Variants in SPON2 observed in about 807,000 individuals in gnomAD.
The protein encoded by SPON2 is spondin-2.
Under a neutral mutation model 29.9 loss-of-function variants are expected in SPON2, and 32 were observed. The observed-to-expected ratio is 1.07, with a 90% CI of 0.81 to 1.44. SPON2 has a LOEUF of 1.44. SPON2 is among the 40% of genes most tolerant of loss of function. The pLI is 0.00. For synonymous variants in SPON2, 248 were observed against 209.1 expected (o/e 1.19, Z -1.61); for missense variants, 541 against 455.5 (o/e 1.19, Z -1.71).
chr4:1,170,387 C>T lies in SPON2; in HGVS notation c.811+15G>A, dbSNP rs556716874. 66 of 1,608,908 alleles carry T rather than the reference C, an allele frequency of 4.1e-5. No homozygotes were observed. Among genetic ancestry groups the T allele is most frequent in the Non-Finnish European group, 5.3e-5 (63 of 1,178,462 alleles). On this transcript the variant is annotated intron_variant, in intron 5 of 5. Transcript: ENST00000290902. ...GGGGCTGCTGTGTGTCCCATGTGAC[C>T]TGTATGTCCGTTACCTGAGGCGCTG...
intron 1 of SPON2, among the ~76,000 whole-genome samples, chr4:1,190,483 C>T (rs1197980865): frequency 6.6e-6 from 1 of 152,092 alleles, no homozygotes; most frequent in East Asian, 1.9e-4. Context: ...AATCGTCACA[C>T]AAAAAATAAA....
At chr4:1,205,486 C>T (rs1339886346) in intron 1 of SPON2, among the ~76,000 whole-genome samples, 1 of 152,216 alleles carries the variant, frequency 6.6e-6, no homozygotes, top group Non-Finnish European at 1.5e-5. Context: ...CCGTGCCCAG[C>T]ACCTGGGGGA....
chr4:1,174,697 A>C (rs1173159871), upstream of SPON2, among the ~76,000 whole-genome samples: 3 of 152,192 alleles, frequency 2.0e-5, no homozygotes, highest in Non-Finnish European at 4.4e-5. Context: ...TGTTTTATGA[A>C]AAGCAATCAT....
chr4:1,178,862 C>T (rs552567141), intron 2 of SPON2, among the ~76,000 whole-genome samples: 5 of 152,250 alleles, frequency 3.3e-5, no homozygotes, highest in South Asian at 2.1e-4. Context: ...GACGGGGCTG[C>T]GGAGTGGCAG....
chr4:1,186,044 A>C (rs1018406354), intron 1 of SPON2, among the ~76,000 whole-genome samples: 13 of 150,210 alleles, frequency 8.7e-5, no homozygotes, highest in African/African-American at 2.9e-4. Context: ...GGAGATCGAG[A>C]CCATCCTGGC....
At chr4:1,170,826 G>C (rs1219186600) in intron 4 of SPON2, 173 bp downstream of exon 4, 2 of 1,047,204 alleles carry the variant, frequency 1.9e-6, no homozygotes, top group East Asian at 2.6e-5. Context: ...GGTTGGGAGA[G>C]TATGGGAGGG....
At chr4:1,186,309 T>G (rs1171582877) in intron 1 of SPON2, among the ~76,000 whole-genome samples, 5 of 147,962 alleles carry the variant, frequency 3.4e-5, no homozygotes, top group East Asian at 4.0e-4. Context: ...GAGAAAATGT[T>G]TTTTTTTTTT....
intron 5 of SPON2, 114 bp downstream of exon 5, chr4:1,170,288 C>T (rs1200929631): frequency 4.3e-5 from 41 of 948,070 alleles, no homozygotes; most frequent in Non-Finnish European, 5.6e-5. Context: ...TCTTGCAGTA[C>T]GCACTACGAA....
chr4:1,172,293 G>A (rs1041621346), intron 1 of SPON2: 7 of 593,936 alleles, frequency 1.2e-5, no homozygotes, highest in Non-Finnish European at 2.1e-5. Context: ...AGCGACCAGG[G>A]GTAACGGGCA....
At chr4:1,184,390 G>C (rs1727753924) in intron 1 of SPON2, among the ~76,000 whole-genome samples, 1 of 152,096 alleles carries the variant, frequency 6.6e-6, no homozygotes, top group Non-Finnish European at 1.5e-5. Flanking sequence ...TAAATTCAAA[G>C]ACACAAGTAC....
chr4:1,170,255 A>C, intron 5 of SPON2, 147 bp downstream of exon 5: 1 of 766,912 alleles, frequency 1.3e-6, no homozygotes, highest in South Asian at 1.8e-5. Flanking sequence ...GAATCAACAG[A>C]ATCCTAAATC....
chr4:1,188,629 C>T (rs1230096729), intron 1 of SPON2, among the ~76,000 whole-genome samples: 1 of 152,036 alleles, frequency 6.6e-6, no homozygotes, highest in South Asian at 2.1e-4. Flanking sequence ...AAAATATCAC[C>T]GTTATCAACA....
At chr4:1,194,508 G>C (rs1727995963) in intron 1 of SPON2, among the ~76,000 whole-genome samples, 1 of 152,192 alleles carries the variant, frequency 6.6e-6, no homozygotes, top group African/African-American at 2.4e-5. Flanking sequence ...GCAGGCCGCA[G>C]GCAGGGCTGT....
rs760773700 is a variant in SPON2 at position 1,171,886 on chromosome 4, CAG to C, written c.184_185del (p.Leu62ValfsTer16). 3.1e-6 allele frequency: 5 copies of C among 1,612,914 alleles called. No homozygotes were observed. Among genetic ancestry groups the C allele is most frequent in the Non-Finnish European group, 2.5e-6 (3 of 1,179,898 alleles). ...SQTAFPKQYP[L>X]FRPPAQWSSL... is the part of the protein sequence containing the mutation. ...AAGACCACTGCGCAGGGGGGCGGAACAGGGGGTACTGCTTGGGGAAGGCCGTC... is the reference window on the plus strand; with the variant it reads ...AAGACCACTGCGCAGGGGGGCGGAACGGGGTACTGCTTGGGGAAGGCCGTC... On this transcript the variant is annotated frameshift_variant, in exon 2 of 6. Coordinates refer to ENST00000290902, the MANE Select transcript of SPON2 (RefSeq NM_012445.4). LOFTEE classifies it high-confidence loss of function.
chr4:1,171,744 G>A lies in SPON2; in HGVS notation c.220+108C>T, dbSNP rs1238119924. The A allele has an allele frequency of 4.6e-6, 4 of 871,680 alleles. No homozygotes were observed. In the African/African-American group the frequency reaches 4.9e-5, roughly 11 times the overall value. 54.0% of individuals were successfully genotyped at this position (871,680 alleles called of 1,614,324 possible). Reference sequence around the variant, plus strand: ...AAACATTCTGGTGTTAGAGTCTCCCGACGTCAGCACGCCCCAGACTGGGAA... The same window carrying A: ...AAACATTCTGGTGTTAGAGTCTCCCAACGTCAGCACGCCCCAGACTGGGAA... On this transcript the variant is annotated intron_variant, in intron 2 of 5. Coordinates refer to ENST00000290902, the MANE Select transcript of SPON2 (RefSeq NM_012445.4).
At chr4:1,195,495 C>A (rs918943442), upstream of SPON2, among the ~76,000 whole-genome samples, 1 of 151,686 alleles carries the variant, frequency 6.6e-6, no homozygotes, top group Admixed American at 6.6e-5. Context: ...AACCTCCCCC[C>A]GCCTCTCCAG....
In SPON2 at chr4:1,171,355, G is replaced by T. The variant is rs767449063; in HGVS notation, c.352C>A (p.Gln118Lys). 7 of 1,610,678 alleles carry T rather than the reference G, an allele frequency of 4.3e-6. No individual in the cohort carries two copies. The highest frequency in any genetic ancestry group is 1.7e-5 in the Admixed American group (1 of 59,962). The change falls in exon 3 of 6, where the codon CAG (glutamine) becomes AAG (lysine). Residue 118 changes from glutamine (Q) to lysine (K), a missense_variant. Coordinates refer to ENST00000290902, the MANE Select transcript of SPON2 (RefSeq NM_012445.4). ...KEIEAAGEALQSVHAVFSAPA... is the reference protein window; with the variant it reads ...KEIEAAGEALKSVHAVFSAPA... ...GCCGAAAACACCGCGTGCACGCTCTGCAGCGCCTCCCCCGCCGCCTCGATC... is the reference window on the plus strand; with the variant it reads ...GCCGAAAACACCGCGTGCACGCTCTTCAGCGCCTCCCCCGCCGCCTCGATC...
chr4:1,186,109 TGG>T (rs1207533779), intron 1 of SPON2, among the ~76,000 whole-genome samples: 1 of 149,692 alleles, frequency 6.7e-6, no homozygotes, highest in Non-Finnish European at 1.5e-5. Flanking sequence ...CCGGGCGTGG[TGG>T]TGGGCGCCTG....
rs958876100 is a variant in SPON2, at chr4:1,202,274, T to C, written c.-234+5606A>G. On this transcript the variant is annotated intron_variant, in intron 1 of 3. Coordinates refer to the SPON2 transcript ENST00000509233. The surrounding 1 kb of genome is among the most constrained non-coding windows in gnomAD (Gnocchi z 5.4). ...GGGTCTGCCCCACAAGCCCTTTTCATGGTGGCTTTAGTCACAAGGGCTCTG... is the reference window on the plus strand; with the variant it reads ...GGGTCTGCCCCACAAGCCCTTTTCACGGTGGCTTTAGTCACAAGGGCTCTG... 3.3e-5 allele frequency among the ~76,000 whole-genome samples: 5 copies of C among 152,156 alleles called. No individual in the cohort carries two copies. Among genetic ancestry groups the C allele is most frequent in the Non-Finnish European group, 5.9e-5 (4 of 68,034 alleles).
Sources: gnomAD v4.1 joint callset for allele counts (sites outside exome capture counted in the v4.1 genomes callset) on GRCh38, gnomAD v4.1.1 for gene constraint, Gnocchi (gnomAD v3.1) non-coding constraint, MANE v1.5 for transcripts, NCBI Gene and HGNC (gene_info 2026-07-23, HGNC 2026-07-21) for gene names.